Variants in ESF1 observed in about 807,000 individuals in gnomAD.
ESF1 encodes the protein ESF1 homolog.
Under a neutral mutation model 92.0 loss-of-function variants are expected in ESF1, and 58 were observed. The observed-to-expected ratio is 0.63, with a 90% CI of 0.51 to 0.78. The LOEUF (loss-of-function observed/expected upper bound fraction) is 0.78. Among genes scored for constraint, ESF1 ranks in the 30% least tolerant of loss-of-function variants. The pLI, the probability that ESF1 is intolerant of heterozygous loss-of-function variation, is 0.00. For synonymous variants in ESF1, 321 were observed against 313.7 expected, an observed-to-expected ratio of 1.02 and a Z score of -0.24; for missense variants, 922 against 989.1, an observed-to-expected ratio of 0.93 and a Z score of 0.91.
intron 9 of ESF1, among the ~76,000 whole-genome samples, chr20:13,742,381 G>A (rs1374022419): frequency 6.6e-6 from 1 of 152,084 alleles, no homozygotes; most frequent in African/African-American, 2.4e-5. Context: ...GCTGAGGCAG[G>A]AGAATTGCTT....
intron 10 of ESF1, 94 bp from the exon 11 acceptor site, chr20:13,728,559 G>A (rs990942338): frequency 9.8e-7 from 1 of 1,019,980 alleles, no homozygotes; most frequent in African/African-American, 1.6e-5. Flanking sequence ...TTTAAACCAA[G>A]TAGTTCAATC....
chr20:13,751,340 T>C (rs2147752870), intron 9 of ESF1, among the ~76,000 whole-genome samples: 1 of 152,368 alleles, frequency 6.6e-6, no homozygotes, highest in Middle Eastern at 3.4e-3. Context: ...AGCTGTGGGC[T>C]ATGGGAAAAC....
In ESF1 at chr20:13,714,752, T is replaced by C; in HGVS notation, c.*122A>G. Reference sequence around the variant, plus strand: ...ATTTATGGAGAAAAATTTTACTATGTCCAGAAAAAGATTTTATTCATGTTC... The same window carrying C: ...ATTTATGGAGAAAAATTTTACTATGCCCAGAAAAAGATTTTATTCATGTTC... On this transcript the variant is annotated 3_prime_UTR_variant, in exon 14 of 14. Transcript: ENST00000617257. The C allele has an allele frequency of 1.1e-6, 1 of 951,628 alleles. No homozygotes were observed. The highest frequency in any genetic ancestry group is 2.0e-5 in the South Asian group (1 of 49,052). 58.9% of individuals were successfully genotyped at this position (951,628 alleles called of 1,614,324 possible).
chr20:13,741,747 T>C (rs146021770), intron 9 of ESF1, among the ~76,000 whole-genome samples: 3 of 152,236 alleles, frequency 2.0e-5, no homozygotes, highest in African/African-American at 7.2e-5. Context: ...AAACAGCAAA[T>C]ATTAACTATA....
At chr20:13,724,833 T>G (rs773067623) in intron 11 of ESF1, among the ~76,000 whole-genome samples, 31 of 152,186 alleles carry the variant, frequency 2.0e-4, no homozygotes, top group Admixed American at 2.0e-4. Flanking sequence ...AATAACCACG[T>G]ACATGAATGG....
intron 9 of ESF1, among the ~76,000 whole-genome samples, chr20:13,749,148 C>G (rs1046998821): frequency 6.6e-6 from 1 of 151,738 alleles, no homozygotes; most frequent in Non-Finnish European, 1.5e-5. Context: ...TCACTGCAAC[C>G]TCCACCTCCT....
rs1170405284 is a variant in ESF1 at position 13,750,904 on chromosome 20, C to T, written c.1828+8788G>A. On this transcript the variant is annotated intron_variant, in intron 9 of 13. Coordinates refer to ENST00000617257, the MANE Select transcript of ESF1 (RefSeq NM_001276380.2). ...GGCTGAGGCAGGAGGATCGCTTGAG[C>T]CCATGAATGAGTCATGATCGAACCA... Among the ~76,000 whole-genome samples the T allele has an allele frequency of 5.9e-5, 9 of 152,104 alleles. 1 individual carries two copies. The highest frequency in any genetic ancestry group is 2.6e-4 in the Admixed American group (4 of 15,278).
At chr20:13,772,739 C>T (rs1979748631) in intron 4 of ESF1, 124 bp from the exon 5 acceptor site, 1 of 631,648 alleles carries the variant, frequency 1.6e-6, no homozygotes, top group South Asian at 2.0e-5. Flanking sequence ...GGGTGACTCA[C>T]TTCCAAATCC....
Position 13,729,067 on chromosome 20 carries a change from T to C in ESF1, c.1951-602A>G, listed in dbSNP as rs1362736448. 2.0e-5 allele frequency among the ~76,000 whole-genome samples: 3 copies of C among 152,220 alleles called. No individual in the cohort carries two copies. The East Asian group carries it at 5.8e-4, about 29-fold the overall frequency. ...TGAGATCAGGAGTTTGAGACCAGCCTGGCCAACAGGGTGAAACCCCATCTC... is the reference window on the plus strand; with the variant it reads ...TGAGATCAGGAGTTTGAGACCAGCCCGGCCAACAGGGTGAAACCCCATCTC... On this transcript the variant is annotated intron_variant, in intron 10 of 13. Coordinates refer to ENST00000617257, the MANE Select transcript of ESF1 (RefSeq NM_001276380.2).
At chr20:13,745,508 A>C (rs542761280) in intron 9 of ESF1, among the ~76,000 whole-genome samples, 2 of 152,130 alleles carry the variant, frequency 1.3e-5, no homozygotes, top group African/African-American at 4.8e-5. Context: ...CTAGAGTGTA[A>C]CGGTAAGATT....
chr20:13,757,872 C>A (rs1978971785), intron 9 of ESF1, among the ~76,000 whole-genome samples: 1 of 152,188 alleles, frequency 6.6e-6, no homozygotes, highest in African/African-American at 2.4e-5. Context: ...CTGAACACTT[C>A]AATTTAAAAA....
intron 11 of ESF1, among the ~76,000 whole-genome samples, chr20:13,724,387 C>T (rs2049887587): frequency 6.6e-6 from 1 of 152,216 alleles, no homozygotes; most frequent in South Asian, 2.1e-4. Flanking sequence ...GTACCTACTA[C>T]AGATCCTTAT....
At chr20:13,746,292 A>G (rs949876338) in intron 9 of ESF1, among the ~76,000 whole-genome samples, 3 of 152,170 alleles carry the variant, frequency 2.0e-5, no homozygotes, top group African/African-American at 7.2e-5. Flanking sequence ...AACTGTAAAT[A>G]CACACTTTAA....
At position 13,718,947 on chromosome 20, in the gene ESF1, G is replaced by A. The variant is rs749713650; in HGVS notation, c.2076C>T (p.Gly692=). Residue 692 remains glycine, a synonymous_variant, in exon 12 of 14, where the codon GGC becomes GGT. Coordinates refer to ENST00000617257, the MANE Select transcript of ESF1 (RefSeq NM_001276380.2). ...NKKSVKSAKD[G]TSPEEEIEIE... ...TTTCAATTTCTTCTTCTGGAGATGT[G>A]CCATCTTTTGCAGATTTTACCGATT... 4 of 1,603,844 alleles carry A rather than the reference G, an allele frequency of 2.5e-6. No homozygotes were observed. Among genetic ancestry groups the A allele is most frequent in the East Asian group, 2.3e-5 (1 of 44,202 alleles).
intron 2 of ESF1, among the ~76,000 whole-genome samples, chr20:13,781,487 T>C (rs1980186062): frequency 1.3e-5 from 2 of 152,210 alleles, no homozygotes; most frequent in African/African-American, 2.4e-5. Flanking sequence ...CAGGGGCCAC[T>C]GCACAAAGTT....
In ESF1 at chr20:13,742,563, T is replaced by A. The variant is rs1031980481; in HGVS notation, c.1829-8721A>T. Among the ~76,000 whole-genome samples, 4 of 152,170 alleles carry A rather than the reference T, an allele frequency of 2.6e-5. No homozygotes were observed. In the East Asian group the frequency reaches 5.8e-4, roughly 22 times the overall value. ...TACCCAGAAAAACTTAAACGTGTACTAGGGGACATGCATAGAAATGTTCCT... is the reference window on the plus strand; with the variant it reads ...TACCCAGAAAAACTTAAACGTGTACAAGGGGACATGCATAGAAATGTTCCT... On this transcript the variant is annotated intron_variant, in intron 9 of 13. Coordinates refer to ENST00000617257, the MANE Select transcript of ESF1 (RefSeq NM_001276380.2).
chr20:13,772,504 T>G lies in ESF1; in HGVS notation c.1250+11A>C. On this transcript the variant is annotated intron_variant, in intron 5 of 13. Coordinates refer to ENST00000617257, the MANE Select transcript of ESF1 (RefSeq NM_001276380.2). ...TGAGGTTTAGTTTTATGTTCTATAG[T>G]GATTTAATACCAGTCTTTTTCTGGG... 2 of 1,563,892 alleles carry G rather than the reference T, an allele frequency of 1.3e-6. No homozygotes were observed. Among genetic ancestry groups the G allele is most frequent in the Non-Finnish European group, 1.8e-6 (2 of 1,135,522 alleles).
intron 9 of ESF1, among the ~76,000 whole-genome samples, chr20:13,748,972 C>T (rs1439756029): frequency 4.6e-5 from 7 of 152,096 alleles, no homozygotes; most frequent in African/African-American, 1.7e-4. Context: ...CTGTTTACAG[C>T]AATGGGATCC....
intron 13 of ESF1, 22 bp from the exon 14 acceptor site, chr20:13,715,189 AAATT>A: frequency 1.4e-6 from 2 of 1,467,892 alleles, no homozygotes; most frequent in Non-Finnish European, 1.8e-6. Context: ...AAAAAAAAAA[AAATT>A]AATAAATTAA....
Sources: allele counts gnomAD v4.1 joint callset (sites outside exome capture counted in the v4.1 genomes callset), GRCh38; gene constraint gnomAD v4.1.1; transcripts MANE v1.5; gene names NCBI Gene and HGNC (gene_info 2026-07-23, HGNC 2026-07-21).